Variants in ZNF695 observed in about 807,000 individuals in gnomAD.
The protein encoded by ZNF695 is zinc finger protein 695.
ZNF695 carries 11 observed loss-of-function variants against 11.2 expected under a neutral mutation model. The observed-to-expected ratio is 0.98, with a 90% CI of 0.62 to 1.62. The LOEUF is 1.62. Among genes scored for constraint, ZNF695 ranks in the 40% most tolerant of loss-of-function variants. ZNF695 has a pLI of 0.00. For missense variants in ZNF695, 559 were observed against 590.5 expected (o/e 0.95, Z 0.55); for synonymous variants, 190 against 201.4 (o/e 0.94, Z 0.48).
At position 246,973,763 on chromosome 1, in the gene ZNF695, T is replaced by C. The variant is rs888605788; in HGVS notation, c.391-5971A>G. Among the ~76,000 whole-genome samples, 7 of 152,332 alleles carry C rather than the reference T, an allele frequency of 4.6e-5. No homozygotes were observed. In the South Asian group the frequency reaches 8.3e-4, roughly 18 times the overall value. On this transcript the variant is annotated intron_variant, in intron 4 of 5. Coordinates refer to the ZNF695 transcript ENST00000487338. ...GCGAAGATCAGAGGGGTTAAAAACA[T>C]ATCCACAATCACATAATGATGAATG...
chr1:246,993,093 G>A (rs1347876625), intron 3 of ZNF695, among the ~76,000 whole-genome samples: 1 of 152,150 alleles, frequency 6.6e-6, no homozygotes, highest in East Asian at 1.9e-4. Flanking sequence ...CCTCTTAAGA[G>A]GAAACATGTG....
intron 5 of ZNF695, among the ~76,000 whole-genome samples, chr1:246,966,264 G>A (rs775311366): frequency 6.6e-6 from 1 of 152,072 alleles, no homozygotes; most frequent in Non-Finnish European, 1.5e-5. Context: ...CAAGGCAGGC[G>A]CATCACTTGA....
intron 5 of ZNF695, among the ~76,000 whole-genome samples, chr1:246,958,156 T>C (rs1668051183): frequency 6.6e-6 from 1 of 151,488 alleles, no homozygotes; most frequent in African/African-American, 2.4e-5. Context: ...CCTCCCGGGT[T>C]CACGCCATTC....
intron 1 of ZNF695, among the ~76,000 whole-genome samples, chr1:247,003,480 T>C (rs1273163959): frequency 6.6e-6 from 1 of 152,222 alleles, no homozygotes; most frequent in African/African-American, 2.4e-5. Context: ...AGAAACTACC[T>C]GTTGGATATT....
intron 1 of ZNF695, among the ~76,000 whole-genome samples, chr1:247,001,365 C>T (rs1333066239): frequency 1.3e-5 from 2 of 151,428 alleles, no homozygotes; most frequent in East Asian, 3.9e-4. Context: ...ATTTCAAGAC[C>T]AGCCTCAGCA....
At chr1:246,975,457 G>A (rs1246886675) in intron 4 of ZNF695, among the ~76,000 whole-genome samples, 1 of 152,180 alleles carries the variant, frequency 6.6e-6, no homozygotes, top group Non-Finnish European at 1.5e-5. Context: ...GTCTACGGAG[G>A]AAACATATGA....
chr1:246,970,935 T>C (rs1030509983), intron 4 of ZNF695, among the ~76,000 whole-genome samples: 1 of 152,136 alleles, frequency 6.6e-6, no homozygotes, highest in Non-Finnish European at 1.5e-5. Context: ...TCCAGCCCTA[T>C]TGGGTCTGTG....
intron 4 of ZNF695, among the ~76,000 whole-genome samples, chr1:246,973,989 T>A (rs1412075347): frequency 6.6e-6 from 1 of 152,186 alleles, no homozygotes; most frequent in Non-Finnish European, 1.5e-5. Context: ...GTTTCCTTCT[T>A]CCTGGAGATA....
chr1:246,960,221 A>T (rs929172636), intron 5 of ZNF695, among the ~76,000 whole-genome samples: 1 of 152,202 alleles, frequency 6.6e-6, no homozygotes, highest in African/African-American at 2.4e-5. Context: ...AATTGTAAAC[A>T]TATCAGCAAA....
At chr1:246,969,321 G>A (rs946826795) in intron 4 of ZNF695, 9 of 152,204 alleles carry the variant, frequency 5.9e-5, no homozygotes, top group Non-Finnish European at 1.3e-4. Context: ...CCCTATAGCA[G>A]GGGCACAATG....
Position 246,953,941 on chromosome 1 carries a change from A to G in ZNF695, c.489-8114T>C, listed in dbSNP as rs568810211. ...ACTGTCTCAAAACAAACAAACAAAC[A>G]AGCAAAAAAAAAAAAAAAAAGAAAC... On this transcript the variant is annotated intron_variant, in intron 5 of 5. Coordinates refer to the ZNF695 transcript ENST00000487338. Among the ~76,000 whole-genome samples the G allele has an allele frequency of 2.5e-4, 38 of 149,212 alleles. No homozygotes were observed. In the East Asian group the frequency reaches 7.3e-3, roughly 29 times the overall value.
chr1:246,946,085 TTA>T (rs1667727306), intron 5 of ZNF695, among the ~76,000 whole-genome samples: 1 of 152,174 alleles, frequency 6.6e-6, no homozygotes, highest in East Asian at 1.9e-4. Flanking sequence ...CTTTTATTTT[TTA>T]GCTCATTGTC....
intron 5 of ZNF695, among the ~76,000 whole-genome samples, chr1:246,961,652 G>A (rs999696436): frequency 2.6e-5 from 4 of 152,144 alleles, no homozygotes; most frequent in African/African-American, 7.2e-5. Flanking sequence ...ATAGTATTTT[G>A]CTTCAGACCC....
chr1:246,999,732 G>C (rs1669308278), intron 2 of ZNF695, among the ~76,000 whole-genome samples, 180 bp downstream of exon 2: 1 of 152,134 alleles, frequency 6.6e-6, no homozygotes, highest in African/African-American at 2.4e-5. Flanking sequence ...CACCAATCTA[G>C]AGCAAGGATA....
intron 5 of ZNF695, among the ~76,000 whole-genome samples, chr1:246,947,197 G>T (rs1489889282): frequency 6.5e-5 from 7 of 107,394 alleles, no homozygotes; most frequent in Admixed American, 2.1e-4. Flanking sequence ...TATTTTTTTT[G>T]GGGGGGTGGT....
At chr1:246,978,378 C>G (rs1313466324) in intron 4 of ZNF695, among the ~76,000 whole-genome samples, 1 of 152,178 alleles carries the variant, frequency 6.6e-6, no homozygotes, top group Non-Finnish European at 1.5e-5. Flanking sequence ...AATATTCAAT[C>G]CCATAATCAA....
chr1:246,954,483 G>A (rs1403088119), intron 5 of ZNF695, among the ~76,000 whole-genome samples: 2 of 152,170 alleles, frequency 1.3e-5, no homozygotes, highest in African/African-American at 4.8e-5. Flanking sequence ...TTCCCCAAAG[G>A]TGATACTATT....
chr1:246,987,651 T>C lies in ZNF695; in HGVS notation c.864A>G (p.Lys288=). ...NLCSVLTKHK[K]IHTGEKPYKC... ...TGTATGGTTTCTCTCCAGTATGAAT[T>C]TTCTTATGTTTAGTAAGAACTGAGC... Residue 288 remains lysine (K), a synonymous_variant, in exon 4 of 4, where the codon AAA becomes AAG. Transcript: ENST00000339986. 1 of 1,602,404 alleles carries C rather than the reference T, an allele frequency of 6.2e-7. No individual in the cohort carries two copies. The highest frequency in any genetic ancestry group is 8.5e-7 in the Non-Finnish European group (1 of 1,175,854).
rs1327520671 is a variant in ZNF695, at chr1:246,985,395, A to C, written c.*1572T>G. 3 of 985,226 alleles carry C rather than the reference A, an allele frequency of 3.0e-6. No homozygotes were observed. In the African/African-American group the frequency reaches 5.2e-5, roughly 17 times the overall value. The allele number at this position is 985,226 out of a possible 1,614,324, so 61.0% of individuals were successfully genotyped here. On this transcript the variant is annotated 3_prime_UTR_variant, in exon 4 of 4. Coordinates refer to ENST00000339986, the MANE Select transcript of ZNF695 (RefSeq NM_020394.5). ...CTGTCATTACAAAAAGAGCAAACAGAATGAAGGTGTAACGTGTGGGAACAA... is the reference window on the plus strand; with the variant it reads ...CTGTCATTACAAAAAGAGCAAACAGCATGAAGGTGTAACGTGTGGGAACAA...
Sources: allele counts gnomAD v4.1 joint callset (sites outside exome capture counted in the v4.1 genomes callset), GRCh38; gene constraint gnomAD v4.1.1; transcripts MANE v1.5; gene names NCBI Gene and HGNC (gene_info 2026-07-23, HGNC 2026-07-21).